F2: variants seen among roughly 807,000 people sequenced by gnomAD.
F2 encodes coagulation factor II, thrombin.
In F2, 34 loss-of-function variants were observed where a neutral mutation model predicts 81.9. That is an observed-to-expected ratio of 0.42 (90% CI 0.32 to 0.55). The LOEUF (loss-of-function observed/expected upper bound fraction) is 0.55. F2 is among the 20% of genes least tolerant of loss of function. F2 has a pLI of 0.18. For missense variants in F2, 630 were observed against 833.4 expected (o/e 0.76, Z 3.00); for synonymous variants, 296 against 326.4 (o/e 0.91, Z 1.01).
At chr11:46,727,035 C>G (rs954189891) in intron 9 of F2, among the ~76,000 whole-genome samples, 198 bp downstream of exon 9, 5 of 152,188 alleles carry the variant, frequency 3.3e-5, no homozygotes, top group African/African-American at 1.2e-4. Context: ...TGGAGTCTTG[C>G]TCTGTCACCT....
intron 3 of F2, 96 bp from the exon 4 acceptor site, chr11:46,720,694 C>T: frequency 6.6e-7 from 1 of 1,524,474 alleles, no homozygotes; most frequent in Non-Finnish European, 9.1e-7. Context: ...TCTGTTCATC[C>T]ATCTTTCTGT....
At chr11:46,734,038 G>A (rs911662508) in intron 12 of F2, among the ~76,000 whole-genome samples, 16 of 151,168 alleles carry the variant, frequency 1.1e-4, no homozygotes, top group South Asian at 2.1e-4. Flanking sequence ...CTCCCGCCTC[G>A]GCCTCCCAAA....
At chr11:46,732,619 G>C (rs1214251961) in intron 12 of F2, among the ~76,000 whole-genome samples, 1 of 152,102 alleles carries the variant, frequency 6.6e-6, no homozygotes, top group African/African-American at 2.4e-5. Context: ...GGCTGGTCTC[G>C]AACTCCTGAC....
intron 4 of F2, among the ~76,000 whole-genome samples, chr11:46,722,181 A>G (rs547037929): frequency 6.6e-6 from 1 of 152,354 alleles, no homozygotes; most frequent in South Asian, 2.1e-4. Flanking sequence ...GACATTTTAC[A>G]AAGTTCCTGC....
chr11:46,731,761 T>G (rs1404194855), intron 12 of F2, among the ~76,000 whole-genome samples: 1 of 152,074 alleles, frequency 6.6e-6, no homozygotes, highest in Non-Finnish European at 1.5e-5. Flanking sequence ...TCTTGGTGCA[T>G]CCTGTTAACT....
Position 46,723,554 on chromosome 11 carries a change from GC to G in F2, c.559+39del. ...GGCAGTGGGGCGGCCCATGGCCAAG[GC>G]CCGGGGGCTTCATGGGGCCTGGCAG... On this transcript the variant is annotated intron_variant, in intron 6 of 13. Transcript: ENST00000311907. The surrounding 1 kb of genome is among the most constrained non-coding windows in gnomAD (Gnocchi z 5.6). 3.2e-6 allele frequency: 5 copies of G among 1,583,968 alleles called. No individual in the cohort carries two copies. Among genetic ancestry groups the G allele is most frequent in the Non-Finnish European group, 4.3e-6 (5 of 1,163,632 alleles).
chr11:46,737,879 G>A (rs1437396590), intron 12 of F2, among the ~76,000 whole-genome samples: 2 of 151,458 alleles, frequency 1.3e-5, no homozygotes, highest in Admixed American at 1.3e-4. Context: ...TGTTGCCCAG[G>A]CTGGAGTGCA....
chr11:46,732,192 G>T (rs766161320), intron 12 of F2, among the ~76,000 whole-genome samples: 13 of 152,126 alleles, frequency 8.5e-5, no homozygotes, highest in Middle Eastern at 3.4e-3. Context: ...GGGATTACAG[G>T]TGTGAGCCAA....
At position 46,727,944 on chromosome 11, in the gene F2, A is replaced by G. The variant is rs2064885786; in HGVS notation, c.1131-52A>G. 5.1e-6 allele frequency: 8 copies of G among 1,554,338 alleles called. No homozygotes were observed. The South Asian group carries it at 9.3e-5, about 18-fold the overall frequency. On this transcript the variant is annotated intron_variant, in intron 9 of 13. Coordinates refer to ENST00000311907, the MANE Select transcript of F2 (RefSeq NM_000506.5). ...GGATTGTTACTTCTAGGGCTGGTGTAGAGGCAGCCCCCTCATCCTCAGCTC... is the reference window on the plus strand; with the variant it reads ...GGATTGTTACTTCTAGGGCTGGTGTGGAGGCAGCCCCCTCATCCTCAGCTC...
chr11:46,725,313 C>T (rs2064864936), intron 6 of F2, among the ~76,000 whole-genome samples: 1 of 152,090 alleles, frequency 6.6e-6, no homozygotes, highest in Non-Finnish European at 1.5e-5. Flanking sequence ...CGGTGATCTG[C>T]CCAGCTCGGC....
At position 46,728,263 on chromosome 11, in the gene F2, A is replaced by G. The variant is rs2064889193; in HGVS notation, c.1298+100A>G. ...CTCCGGGACACATAGGATGTTCTGT[A>G]TACCCCCCAGAATATAACATCCCAG... On this transcript the variant is annotated intron_variant, in intron 10 of 13. Transcript: ENST00000311907. The surrounding 1 kb of genome is among the most constrained non-coding windows in gnomAD (Gnocchi z 5.1). 1 of 1,270,662 alleles carries G rather than the reference A, an allele frequency of 7.9e-7. No homozygotes were observed. Among genetic ancestry groups the G allele is most frequent in the Non-Finnish European group, 1.1e-6 (1 of 895,580 alleles). 78.7% of individuals were successfully genotyped at this position (1,270,662 alleles called of 1,614,324 possible).
chr11:46,725,912 A>C lies in F2; in HGVS notation c.613A>C (p.Asn205His), dbSNP rs1262748610. ...TCCACGCTCCGAAGGCTCCAGTGTG[A>C]ATCTGTCACCTCCATTGGAGCAGTG... ...MTPRSEGSSVNLSPPLEQCVP... is the reference protein window; with the variant it reads ...MTPRSEGSSVHLSPPLEQCVP... The change falls in exon 7 of 14, where the codon AAT becomes CAT. Residue 205 changes from asparagine to histidine, a missense_variant. Asn to His is a moderately conservative substitution (Grantham distance 68). Transcript: ENST00000311907. 3 of 1,613,730 alleles carry C rather than the reference A, an allele frequency of 1.9e-6. No homozygotes were observed. Among genetic ancestry groups the C allele is most frequent in the Non-Finnish European group, 2.5e-6 (3 of 1,180,026 alleles).
chr11:46,733,874 C>T (rs1214786558), intron 12 of F2, among the ~76,000 whole-genome samples: 20 of 148,334 alleles, frequency 1.3e-4, no homozygotes, highest in Non-Finnish European at 2.5e-4. Context: ...CTGCAACTTC[C>T]GCCTTCTGGG....
Position 46,726,516 on chromosome 11 carries a change from A to G in F2, c.893A>G (p.Glu298Gly), listed in dbSNP as rs1296032823. The G allele has an allele frequency of 1.2e-6, 2 of 1,613,776 alleles. No individual in the cohort carries two copies. Reference sequence around the variant, plus strand: ...CCAACAGAGGAGGCCGTGGAGGAGGAGACAGGAGATGGGCTGGATGAGGAC... The same window carrying G: ...CCAACAGAGGAGGCCGTGGAGGAGGGGACAGGAGATGGGCTGGATGAGGAC... Reference protein sequence around the residue: ...LNYCEEAVEEETGDGLDEDSD... With the variant: ...LNYCEEAVEEGTGDGLDEDSD... The change falls in exon 8 of 14, where the codon GAG becomes GGG. Residue 298 changes from glutamate (E) to glycine (G), a missense_variant. By Grantham distance (98) the Glu-to-Gly change is moderately conservative. Transcript: ENST00000311907. This position sits in a 1 kb window ranked among gnomAD's most constrained non-coding sequence, Gnocchi z 5.9.
chr11:46,738,501 T>A (rs1022121948), intron 12 of F2, among the ~76,000 whole-genome samples: 2 of 152,130 alleles, frequency 1.3e-5, no homozygotes, highest in Non-Finnish European at 2.9e-5. Context: ...CGAGACAGGG[T>A]CTCACTCTGT....
chr11:46,730,375 A>AG (rs929291395), intron 12 of F2, among the ~76,000 whole-genome samples: 2 of 152,128 alleles, frequency 1.3e-5, no homozygotes, highest in African/African-American at 4.8e-5. Flanking sequence ...ATGTCTGGGC[A>AG]GGGACTGGAA....
At position 46,719,886 on chromosome 11, in the gene F2, T is replaced by C; in HGVS notation, c.240+24T>C. ...CGGTGAGCCTGGGCTGCTCGGACGG[T>C]GCCGGGGCCTCAGACCGGGCCCAAC... is the stretch of plus-strand genomic sequence containing the variant. On this transcript the variant is annotated intron_variant, in intron 2 of 13. Coordinates refer to ENST00000311907, the MANE Select transcript of F2 (RefSeq NM_000506.5). The surrounding 1 kb of genome is among the most constrained non-coding windows in gnomAD (Gnocchi z 4.7). 2 of 1,552,170 alleles carry C rather than the reference T, an allele frequency of 1.3e-6. No individual in the cohort carries two copies. The highest frequency in any genetic ancestry group is 1.7e-6 in the Non-Finnish European group (2 of 1,149,712).
In F2 at chr11:46,725,861, CAGGATCAAGTCACTGT is replaced by C. The variant is rs1417356695; in HGVS notation, c.565_580del (p.Asp189ArgfsTer2). The C allele has an allele frequency of 6.2e-7, 1 of 1,612,734 alleles. No homozygotes were observed. On this transcript the variant is annotated frameshift_variant, in exon 7 of 14. Coordinates refer to ENST00000311907, the MANE Select transcript of F2 (RefSeq NM_000506.5). LOFTEE classifies it high-confidence loss of function. ...CCTCCTTGCCCCTCACCCACCAGGCCAGGATCAAGTCACTGTAGCGATGACTCCACGCTCCGAAGGC... is the reference window on the plus strand; with the variant it reads ...CCTCCTTGCCCCTCACCCACCAGGCCAGCGATGACTCCACGCTCCGAAGGC...
chr11:46,728,718 C>G lies in F2; in HGVS notation c.1353C>G (p.Pro451=). The change falls in exon 11 of 14, where the codon CCC becomes CCG. Residue 451 remains proline, a synonymous_variant. Coordinates refer to ENST00000311907, the MANE Select transcript of F2 (RefSeq NM_000506.5). This position sits in a 1 kb window ranked among gnomAD's most constrained non-coding sequence, Gnocchi z 5.1. ...ISMLEKIYIH[P]RYNWRENLDR... ...TGTTGGAAAAGATCTACATCCACCC[C>G]AGGTACAACTGGCGGGAGAACCTGG... 6.2e-7 allele frequency: 1 copy of G among 1,614,246 alleles called. No homozygotes were observed. The highest frequency in any genetic ancestry group is 8.5e-7 in the Non-Finnish European group (1 of 1,180,050).
Sources: allele counts gnomAD v4.1 joint callset (sites outside exome capture counted in the v4.1 genomes callset), GRCh38; gene constraint gnomAD v4.1.1; non-coding constraint Gnocchi (gnomAD v3.1); transcripts MANE v1.5; gene names NCBI Gene and HGNC (gene_info 2026-07-23, HGNC 2026-07-21).